ASCC3: variants seen among roughly 807,000 people sequenced by gnomAD.
The protein encoded by ASCC3 is activating signal cointegrator 1 complex subunit 3, also known as ASC-1 complex subunit P200.
Under a neutral mutation model 256.3 loss-of-function variants are expected in ASCC3, and 158 were observed. That is an observed-to-expected ratio of 0.62 (90% CI 0.54 to 0.70). The LOEUF is 0.70. Ranked by LOEUF, ASCC3 falls within the 30% of genes least tolerant of loss-of-function variation. The probability of loss-of-function intolerance (pLI) is 0.00; values close to 1 mark genes in which losing one functional copy is unlikely to be tolerated. For missense variants in ASCC3, 2,259 were observed against 2,626.0 expected (o/e 0.86, Z 3.05); for synonymous variants, 948 against 883.4 (o/e 1.07, Z -1.30).
chr6:100,687,285 CAG>C (rs1777621626), intron 13 of ASCC3, among the ~76,000 whole-genome samples: 1 of 151,956 alleles, frequency 6.6e-6, no homozygotes. Flanking sequence ...ATGGGGGAAA[CAG>C]AATTAAAAAA....
intron 8 of ASCC3, among the ~76,000 whole-genome samples, chr6:100,786,804 C>T (rs775221065): frequency 6.6e-6 from 1 of 152,152 alleles, no homozygotes; most frequent in East Asian, 1.9e-4. Context: ...ACTTTGAAAC[C>T]GCACTTCAGA....
intron 10 of ASCC3, among the ~76,000 whole-genome samples, chr6:100,760,638 T>A (rs1210208295): frequency 1.3e-5 from 2 of 152,136 alleles, no homozygotes; most frequent in Admixed American, 1.3e-4. Flanking sequence ...AGAAGATAGT[T>A]TTAAAGCCTA....
chr6:100,752,707 C>T (rs1780994204), intron 10 of ASCC3, among the ~76,000 whole-genome samples: 1 of 151,922 alleles, frequency 6.6e-6, no homozygotes, highest in Admixed American at 6.6e-5. Context: ...AAATTTATGC[C>T]CCCCAAAACC....
chr6:100,609,667 G>T (rs1013739242), intron 30 of ASCC3, among the ~76,000 whole-genome samples: 8 of 152,110 alleles, frequency 5.3e-5, no homozygotes, highest in Non-Finnish European at 7.4e-5. Context: ...ACTTTGGGAG[G>T]CCAAGGTGGG....
intron 36 of ASCC3, among the ~76,000 whole-genome samples, chr6:100,584,697 G>C (rs773199494): frequency 2.6e-5 from 4 of 151,908 alleles, no homozygotes; most frequent in Non-Finnish European, 5.9e-5. Context: ...TTTAGATTTT[G>C]GCATGATTTT....
intron 8 of ASCC3, among the ~76,000 whole-genome samples, chr6:100,771,242 T>C (rs1781903814): frequency 6.6e-6 from 1 of 152,080 alleles, no homozygotes; most frequent in Non-Finnish European, 1.5e-5. Context: ...AAAAAATGAC[T>C]TGAAACCATA....
intron 34 of ASCC3, among the ~76,000 whole-genome samples, chr6:100,594,053 AG>A (rs1772147354): frequency 6.6e-6 from 1 of 152,150 alleles, no homozygotes; most frequent in Non-Finnish European, 1.5e-5. Flanking sequence ...ATAGACATAT[AG>A]TGACCAACTC....
intron 2 of ASCC3, among the ~76,000 whole-genome samples, chr6:100,864,584 T>C (rs1773392666): frequency 6.6e-6 from 1 of 152,164 alleles, no homozygotes; most frequent in Non-Finnish European, 1.5e-5. Context: ...TAATATAGCT[T>C]AGACTATAGT....
chr6:100,767,462 T>G, intron 8 of ASCC3, 117 bp from the exon 9 acceptor site: 1 of 1,021,944 alleles, frequency 9.8e-7, no homozygotes, highest in Non-Finnish European at 1.5e-6. Context: ...ATTTGTACTT[T>G]CACAATGTGT....
At chr6:100,849,725 T>C (rs1004351141) in intron 3 of ASCC3, among the ~76,000 whole-genome samples, 3 of 152,078 alleles carry the variant, frequency 2.0e-5, no homozygotes, top group Admixed American at 6.6e-5. Flanking sequence ...AAAAGAAGAA[T>C]TTAAATCTTC....
At chr6:100,875,712 C>G (rs922851341) in intron 1 of ASCC3, among the ~76,000 whole-genome samples, 2 of 147,530 alleles carry the variant, frequency 1.4e-5, no homozygotes, top group Non-Finnish European at 1.5e-5. Context: ...GATATGACAA[C>G]AGAAAAGAAA....
chr6:100,868,650 C>T (rs1314088662), intron 1 of ASCC3, among the ~76,000 whole-genome samples: 1 of 152,214 alleles, frequency 6.6e-6, no homozygotes, highest in African/African-American at 2.4e-5. Context: ...AAAAAGTAAG[C>T]TTCATGACAG....
At chr6:100,619,793 A>G (rs1773855112) in intron 30 of ASCC3, among the ~76,000 whole-genome samples, 1 of 152,126 alleles carries the variant, frequency 6.6e-6, no homozygotes, top group Non-Finnish European at 1.5e-5. Context: ...AGAATACGGC[A>G]TTAGTTAGCT....
At chr6:100,797,982 T>G (rs1335731532) in intron 8 of ASCC3, among the ~76,000 whole-genome samples, 1 of 152,266 alleles carries the variant, frequency 6.6e-6, no homozygotes, top group East Asian at 1.9e-4. Flanking sequence ...AAAATACATA[T>G]GGACACATAC....
intron 10 of ASCC3, among the ~76,000 whole-genome samples, chr6:100,764,057 A>G (rs540069022): frequency 2.0e-5 from 3 of 152,352 alleles, no homozygotes; most frequent in South Asian, 2.1e-4. Context: ...TGCATTTAGC[A>G]TAGTGACTAA....
At chr6:100,637,073 G>A (rs1165049224) in intron 25 of ASCC3, among the ~76,000 whole-genome samples, 2 of 152,162 alleles carry the variant, frequency 1.3e-5, no homozygotes, top group African/African-American at 4.8e-5. Context: ...TATTGGAGGA[G>A]GATGTCATCA....
At chr6:100,655,652 A>G in intron 17 of ASCC3, 47 bp downstream of exon 17, 3 of 1,591,680 alleles carry the variant, frequency 1.9e-6, no homozygotes, top group African/African-American at 2.7e-5. Context: ...TCATGAAAGA[A>G]CCAAAAAGAA....
At chr6:100,689,946 T>C (rs986506208) in intron 13 of ASCC3, among the ~76,000 whole-genome samples, 10 of 152,112 alleles carry the variant, frequency 6.6e-5, no homozygotes, top group African/African-American at 2.2e-4. Flanking sequence ...TCTGAAAGAT[T>C]AGCTTATAAG....
At chr6:100,764,779 T>C (rs1283414564) in intron 10 of ASCC3, among the ~76,000 whole-genome samples, 4 of 152,128 alleles carry the variant, frequency 2.6e-5, no homozygotes, top group African/African-American at 9.7e-5. Flanking sequence ...AGGCCTCACC[T>C]CCAACTACAA....
Sources: allele counts gnomAD v4.1 joint callset (sites outside exome capture counted in the v4.1 genomes callset), GRCh38; gene constraint gnomAD v4.1.1; transcripts MANE v1.5; gene names NCBI Gene and HGNC (gene_info 2026-07-23, HGNC 2026-07-21).